Variants in GRK3 observed in about 807,000 individuals in gnomAD.
The protein encoded by GRK3 is adrenergic, beta, receptor kinase 2.
Under a neutral mutation model 95.7 loss-of-function variants are expected in GRK3, and 54 were observed. That is an observed-to-expected ratio of 0.56 (90% CI 0.45 to 0.71). GRK3 has a LOEUF of 0.71. GRK3 is among the 30% of genes least tolerant of loss of function. The probability of loss-of-function intolerance (pLI) is 0.00; values close to 1 mark genes in which losing one functional copy is unlikely to be tolerated. For missense variants in GRK3, 649 were observed against 851.2 expected, an observed-to-expected ratio of 0.76 and a Z score of 2.96; for synonymous variants, 281 against 290.8, an observed-to-expected ratio of 0.97 and a Z score of 0.34.
chr22:25,613,691 G>A (rs928601652), intron 2 of GRK3, among the ~76,000 whole-genome samples: 7 of 151,944 alleles, frequency 4.6e-5, no homozygotes, highest in African/African-American at 1.7e-4. Context: ...TGGCAAGTCC[G>A]TCTTCTTTTC....
At chr22:25,649,205 G>A (rs2084810112) in intron 3 of GRK3, 1 of 1,307,600 alleles carries the variant, frequency 7.6e-7, no homozygotes, top group Non-Finnish European at 1.1e-6. Context: ...CTGCTACAGA[G>A]CCATAGTACC....
At chr22:25,710,287 A>G (rs148779176) in intron 16 of GRK3, among the ~76,000 whole-genome samples, 1 of 152,202 alleles carries the variant, frequency 6.6e-6, no homozygotes. Flanking sequence ...CATATAATTG[A>G]GCCTTTTTTA....
At chr22:25,692,164 C>T (rs1297992825) in intron 12 of GRK3, among the ~76,000 whole-genome samples, 2 of 152,094 alleles carry the variant, frequency 1.3e-5, no homozygotes, top group African/African-American at 4.8e-5. Context: ...GACGGGGTCT[C>T]CCAATGTTAC....
At chr22:25,712,515 A>G (rs973295304) in intron 17 of GRK3, among the ~76,000 whole-genome samples, 5 of 152,246 alleles carry the variant, frequency 3.3e-5, no homozygotes, top group Non-Finnish European at 7.3e-5. Flanking sequence ...ATAAAACACT[A>G]TTACGTGGGT....
At chr22:25,677,069 T>C (rs1293577074) in intron 8 of GRK3, among the ~76,000 whole-genome samples, 1 of 152,164 alleles carries the variant, frequency 6.6e-6, no homozygotes, top group Non-Finnish European at 1.5e-5. Context: ...CTAAAGGTTT[T>C]ATTAAAAACC....
intron 13 of GRK3, among the ~76,000 whole-genome samples, chr22:25,696,679 A>T (rs2085211526): frequency 6.6e-6 from 1 of 152,178 alleles, no homozygotes; most frequent in Non-Finnish European, 1.5e-5. Context: ...ATCTTACTAC[A>T]TTTAGCACAT....
chr22:25,727,367 A>G lies in GRK3; in HGVS notation c.*4917A>G, dbSNP rs999137409. On this transcript the variant is annotated 3_prime_UTR_variant, in exon 21 of 21. Coordinates refer to ENST00000324198, the MANE Select transcript of GRK3 (RefSeq NM_005160.4). ...AAAATGGTACTCCTTGGCTTCCTCA[A>G]GTCACAATGAACTTTATATTTTCTT... is the stretch of plus-strand genomic sequence containing the variant. 4.6e-5 allele frequency: 7 copies of G among 152,144 alleles called. No individual in the cohort carries two copies. Among genetic ancestry groups the G allele is most frequent in the Admixed American group, 2.0e-4 (3 of 15,274 alleles). 9.4% of individuals were successfully genotyped at this position (152,144 alleles called of 1,614,324 possible).
At chr22:25,691,540 G>A (rs1026373769) in intron 12 of GRK3, among the ~76,000 whole-genome samples, 1 of 152,322 alleles carries the variant, frequency 6.6e-6, no homozygotes, top group South Asian at 2.1e-4. Flanking sequence ...AAAAGCATTA[G>A]CATTTTGCTA....
At chr22:25,645,907 C>T (rs550050489) in intron 3 of GRK3, among the ~76,000 whole-genome samples, 3 of 148,752 alleles carry the variant, frequency 2.0e-5, no homozygotes, top group Admixed American at 6.7e-5. Flanking sequence ...GGCGACAGAG[C>T]GAGACTCCAT....
chr22:25,635,783 G>A (rs1030673185), intron 2 of GRK3, among the ~76,000 whole-genome samples: 3 of 152,144 alleles, frequency 2.0e-5, no homozygotes, highest in East Asian at 1.9e-4. Flanking sequence ...TAAGTAACTC[G>A]TGGAAGTTAC....
intron 1 of GRK3, among the ~76,000 whole-genome samples, chr22:25,588,442 T>C (rs1288324329): frequency 6.6e-6 from 1 of 152,246 alleles, no homozygotes; most frequent in Non-Finnish European, 1.5e-5. Flanking sequence ...GAGACTTTCC[T>C]GTAAAAGACA....
intron 2 of GRK3, among the ~76,000 whole-genome samples, chr22:25,635,467 C>CA (rs1184041751): frequency 1.3e-5 from 2 of 152,146 alleles, no homozygotes; most frequent in Non-Finnish European, 2.9e-5. Flanking sequence ...AATTGTTCCC[C>CA]AAAATGTTCT....
intron 2 of GRK3, among the ~76,000 whole-genome samples, chr22:25,643,580 C>T (rs919305725): frequency 1.3e-5 from 2 of 152,188 alleles, no homozygotes; most frequent in African/African-American, 2.4e-5. Context: ...TCTGTTTCTG[C>T]GAACTCTCCG....
chr22:25,581,839 G>A (rs12158307), intron 1 of GRK3, among the ~76,000 whole-genome samples: 2 of 151,198 alleles, frequency 1.3e-5, no homozygotes, highest in African/African-American at 2.4e-5. Flanking sequence ...TGCTCTTTAA[G>A]ATAATCTACC....
At chr22:25,602,402 A>G (rs1228911425) in intron 1 of GRK3, among the ~76,000 whole-genome samples, 1 of 152,252 alleles carries the variant, frequency 6.6e-6, no homozygotes, top group Admixed American at 6.5e-5. Flanking sequence ...CCAGTTTGTA[A>G]TATAGTTCAT....
intron 2 of GRK3, among the ~76,000 whole-genome samples, chr22:25,623,037 G>A (rs959061594): frequency 6.6e-6 from 1 of 152,174 alleles, no homozygotes. Context: ...TGCCTCCCGG[G>A]GTCAAGTGAT....
intron 1 of GRK3, among the ~76,000 whole-genome samples, chr22:25,585,325 A>T (rs1239956704): frequency 6.6e-6 from 1 of 152,254 alleles, no homozygotes; most frequent in East Asian, 1.9e-4. Context: ...TGTGATGTGA[A>T]TCTGGTTGGC....
chr22:25,694,369 C>T (rs1382288052), intron 12 of GRK3, among the ~76,000 whole-genome samples: 1 of 152,210 alleles, frequency 6.6e-6, no homozygotes, highest in Non-Finnish European at 1.5e-5. Context: ...AAGCTCAGCC[C>T]TTCAAGGAGG....
At chr22:25,714,607 CA>C (rs1568940417) in intron 18 of GRK3, 37 bp downstream of exon 18, 1 of 1,522,134 alleles carries the variant, frequency 6.6e-7, no homozygotes. Context: ...ATTTCTAATG[CA>C]GTAAATTTTC....
Sources: allele counts gnomAD v4.1 joint callset (sites outside exome capture counted in the v4.1 genomes callset), GRCh38; gene constraint gnomAD v4.1.1; transcripts MANE v1.5; gene names NCBI Gene and HGNC (gene_info 2026-07-23, HGNC 2026-07-21).